Variants in TMEM163 observed in about 807,000 individuals in gnomAD.
TMEM163 encodes transmembrane protein 163.
Under a neutral mutation model 29.3 loss-of-function variants are expected in TMEM163, and 17 were observed. The observed-to-expected ratio is 0.58, with a 90% CI of 0.40 to 0.87. The LOEUF (loss-of-function observed/expected upper bound fraction) is 0.87, where lower values mean the gene tolerates loss of function less well. TMEM163 is among the 40% of genes least tolerant of loss of function. The probability of loss-of-function intolerance (pLI) is 0.00; values close to 1 mark genes in which losing one functional copy is unlikely to be tolerated. For missense variants in TMEM163, 303 were observed against 381.5 expected (o/e 0.79, Z 1.71); for synonymous variants, 157 against 160.6 (o/e 0.98, Z 0.17).
intron 2 of TMEM163, among the ~76,000 whole-genome samples, chr2:134,683,058 G>A (rs1340733934): frequency 6.6e-6 from 1 of 152,148 alleles, no homozygotes; most frequent in Non-Finnish European, 1.5e-5. Context: ...ATGACATTCT[G>A]GAAAAGACAA....
chr2:134,661,002 C>T (rs943203068), intron 2 of TMEM163, among the ~76,000 whole-genome samples: 3 of 152,192 alleles, frequency 2.0e-5, no homozygotes, highest in South Asian at 2.1e-4. Context: ...GTCATGGGGG[C>T]ACTGCCCTCA....
intron 4 of TMEM163, among the ~76,000 whole-genome samples, chr2:134,503,825 A>G (rs1400086808): frequency 6.6e-6 from 1 of 152,182 alleles, no homozygotes; most frequent in East Asian, 1.9e-4. Flanking sequence ...GACTCAGGAC[A>G]TAGGAAAAGT....
At chr2:134,499,557 C>T (rs1039453133) in intron 5 of TMEM163, among the ~76,000 whole-genome samples, 48 of 152,352 alleles carry the variant, frequency 3.2e-4, no homozygotes, top group African/African-American at 1.0e-3. Context: ...GGGCAGGCAA[C>T]ACCACGAGGC....
chr2:134,671,676 C>T (rs1683999944), intron 2 of TMEM163, among the ~76,000 whole-genome samples: 1 of 152,196 alleles, frequency 6.6e-6, no homozygotes, highest in Non-Finnish European at 1.5e-5. Flanking sequence ...CCTGGAAAGA[C>T]AGTGGTCACA....
At chr2:134,524,427 A>T (rs1047348654) in intron 4 of TMEM163, among the ~76,000 whole-genome samples, 5 of 139,324 alleles carry the variant, frequency 3.6e-5, no homozygotes, top group Admixed American at 3.5e-4. Flanking sequence ...AGTTTGTTAC[A>T]TAGGTAACAT....
rs5834416 is a variant in TMEM163 at position 134,460,075 on chromosome 2, AC to A, written c.668-1903del. Among the ~76,000 whole-genome samples the A allele has an allele frequency of 8.4e-4, 101 of 120,078 alleles. 1 individual carries two copies. The highest frequency in any genetic ancestry group is 2.9e-3 in the African/African-American group (85 of 28,880). 78.8% of individuals were successfully genotyped at this position (120,078 alleles called of 152,430 possible). On this transcript the variant is annotated intron_variant, in intron 6 of 7. Transcript: ENST00000281924. The surrounding 1 kb of genome is among the most constrained non-coding windows in gnomAD (Gnocchi z 4.3). The stretch of plus-strand genomic sequence containing the variant: ...CCCCTCGAGCCCCTTGCCAGATGTT[AC>A]CCCCCCCCAAATTCATTCTCACTCT...
intron 2 of TMEM163, among the ~76,000 whole-genome samples, chr2:134,599,209 G>C (rs1389082654): frequency 6.6e-6 from 1 of 152,146 alleles, no homozygotes; most frequent in Non-Finnish European, 1.5e-5. Context: ...TTCATGACAA[G>C]AAGTTCAATT....
At chr2:134,700,065 T>A (rs1684664689) in intron 2 of TMEM163, among the ~76,000 whole-genome samples, 1 of 152,222 alleles carries the variant, frequency 6.6e-6, no homozygotes, top group Non-Finnish European at 1.5e-5. Flanking sequence ...TATCTCTGAC[T>A]TTTACCTGAT....
At chr2:134,580,178 TAAATGC>T (rs1318399838) in intron 2 of TMEM163, among the ~76,000 whole-genome samples, 3 of 152,220 alleles carry the variant, frequency 2.0e-5, no homozygotes, top group Non-Finnish European at 2.9e-5. Context: ...CACGGCACAT[TAAATGC>T]TAGATGTCTG....
At chr2:134,643,508 C>T (rs1454423574) in intron 2 of TMEM163, among the ~76,000 whole-genome samples, 1 of 151,812 alleles carries the variant, frequency 6.6e-6, no homozygotes, top group African/African-American at 2.4e-5. Context: ...TATCCTGATA[C>T]CAAAACCAAA....
chr2:134,491,805 G>A (rs889699102), intron 5 of TMEM163, among the ~76,000 whole-genome samples: 4 of 152,112 alleles, frequency 2.6e-5, no homozygotes, highest in Non-Finnish European at 4.4e-5. Flanking sequence ...CATGGCAGAC[G>A]GCTCACAGAC....
At chr2:134,464,028 C>T (rs1197660440) in intron 6 of TMEM163, among the ~76,000 whole-genome samples, 1 of 152,202 alleles carries the variant, frequency 6.6e-6, no homozygotes, top group East Asian at 1.9e-4. Flanking sequence ...TTAACCCAGG[C>T]AGTCAAGGTA....
intron 2 of TMEM163, among the ~76,000 whole-genome samples, chr2:134,640,206 G>T (rs142741149): frequency 6.6e-6 from 1 of 152,108 alleles, no homozygotes; most frequent in East Asian, 1.9e-4. Flanking sequence ...CATGCTGTGC[G>T]ACATCTGTGT....
intron 6 of TMEM163, among the ~76,000 whole-genome samples, chr2:134,463,376 A>G (rs1686595003): frequency 6.6e-6 from 1 of 152,240 alleles, no homozygotes; most frequent in African/African-American, 2.4e-5. Context: ...CAAGGAAGGC[A>G]TTTGATTTTG....
chr2:134,580,633 C>T (rs1057002036), intron 2 of TMEM163, among the ~76,000 whole-genome samples: 3 of 152,138 alleles, frequency 2.0e-5, no homozygotes, highest in East Asian at 1.9e-4. Flanking sequence ...CCCTAGAGGC[C>T]GGGCGCAGTG....
At chr2:134,542,110 A>G (rs1680688166) in intron 4 of TMEM163, among the ~76,000 whole-genome samples, 1 of 152,264 alleles carries the variant, frequency 6.6e-6, no homozygotes, top group Non-Finnish European at 1.5e-5. Flanking sequence ...CAATTTTATT[A>G]CAAATTCTTT....
intron 5 of TMEM163, among the ~76,000 whole-genome samples, chr2:134,481,377 T>TGGG (rs61620015): frequency 7.3e-6 from 1 of 136,454 alleles, no homozygotes; most frequent in African/African-American, 2.7e-5. Context: ...AATTGAATCA[T>TGGG]GGGGGGGGGG....
At chr2:134,713,098 A>G in intron 2 of TMEM163, 102 bp downstream of exon 2, 1 of 1,517,166 alleles carries the variant, frequency 6.6e-7, no homozygotes, top group Non-Finnish European at 8.8e-7. Flanking sequence ...AAATTTACTC[A>G]TCAATAATAG....
intron 4 of TMEM163, among the ~76,000 whole-genome samples, chr2:134,524,159 C>T (rs1680243906): frequency 6.6e-6 from 1 of 152,104 alleles, no homozygotes; most frequent in Admixed American, 6.5e-5. Context: ...ATTTGAATAG[C>T]CCAGATTGAT....
Sources: allele counts gnomAD v4.1 joint callset (sites outside exome capture counted in the v4.1 genomes callset), GRCh38; gene constraint gnomAD v4.1.1; non-coding constraint Gnocchi (gnomAD v3.1); transcripts MANE v1.5; gene names NCBI Gene and HGNC (gene_info 2026-07-23, HGNC 2026-07-21).